Variants in PLEKHM3 observed in about 807,000 individuals in gnomAD.
The protein encoded by PLEKHM3 is pleckstrin homology domain-containing family M member 3.
A neutral mutation model predicts 81.8 loss-of-function variants in PLEKHM3; 45 were observed. The observed-to-expected ratio is 0.55, with a 90% confidence interval of 0.43 to 0.71. PLEKHM3 has a LOEUF of 0.71. PLEKHM3 is among the 30% of genes least tolerant of loss of function. PLEKHM3 has a pLI of 0.00. For synonymous variants in PLEKHM3, 352 were observed against 356.4 expected (o/e 0.99, Z 0.14); for missense variants, 788 against 924.3 (o/e 0.85, Z 1.91).
At chr2:207,877,910 T>A (rs1203712306) in intron 6 of PLEKHM3, among the ~76,000 whole-genome samples, 1 of 152,072 alleles carries the variant, frequency 6.6e-6, no homozygotes, top group Non-Finnish European at 1.5e-5. Flanking sequence ...TGACTGACTG[T>A]TTGATATGTG....
chr2:207,881,609 A>C (rs144181640), intron 6 of PLEKHM3, among the ~76,000 whole-genome samples: 1 of 152,184 alleles, frequency 6.6e-6, no homozygotes, highest in Non-Finnish European at 1.5e-5. Flanking sequence ...TAATCAGCAT[A>C]CTTTTATAAT....
At chr2:207,866,966 T>C (rs2092504919) in intron 6 of PLEKHM3, among the ~76,000 whole-genome samples, 1 of 152,228 alleles carries the variant, frequency 6.6e-6, no homozygotes. Context: ...AAAATGATGA[T>C]ATTTGACAAT....
chr2:207,921,090 C>T (rs984827787), intron 5 of PLEKHM3, among the ~76,000 whole-genome samples: 1 of 152,100 alleles, frequency 6.6e-6, no homozygotes, highest in African/African-American at 2.4e-5. Context: ...CGCTCTGTTG[C>T]CAGGCTGGAG....
intron 3 of PLEKHM3, among the ~76,000 whole-genome samples, chr2:207,947,374 C>T (rs867397067): frequency 2.6e-5 from 4 of 152,244 alleles, no homozygotes; most frequent in Non-Finnish European, 4.4e-5. Context: ...TCTGTGAGCG[C>T]TGTCTTGGTA....
At chr2:207,858,094 T>C (rs1232477608) in intron 7 of PLEKHM3, among the ~76,000 whole-genome samples, 1 of 151,706 alleles carries the variant, frequency 6.6e-6, no homozygotes, top group Non-Finnish European at 1.5e-5. Flanking sequence ...TGCTTAGAAA[T>C]ATATTGTCTA....
At chr2:207,924,593 G>A (rs1689323360) in intron 5 of PLEKHM3, among the ~76,000 whole-genome samples, 1 of 152,158 alleles carries the variant, frequency 6.6e-6, no homozygotes, top group South Asian at 2.1e-4. Flanking sequence ...GCTGAGGCAG[G>A]AGAATTGCTT....
chr2:207,878,636 G>T (rs1235689010), intron 6 of PLEKHM3, among the ~76,000 whole-genome samples: 4 of 152,098 alleles, frequency 2.6e-5, no homozygotes, highest in Non-Finnish European at 5.9e-5. Flanking sequence ...TATTATTTCT[G>T]TTATTCACAA....
At position 207,826,298 on chromosome 2, in the gene PLEKHM3, A is replaced by G. The variant is rs1483291718; in HGVS notation, c.*2021T>C. On this transcript the variant is annotated 3_prime_UTR_variant, in exon 8 of 8. Coordinates refer to ENST00000427836, the MANE Select transcript of PLEKHM3 (RefSeq NM_001080475.3). ...CTGGAAAATATAAATACTGTATTTT[A>G]CCAAGAGGAGGAGGAAAGGAGATGA... The G allele has an allele frequency of 2.0e-5, 3 of 152,218 alleles. No homozygotes were observed. The highest frequency in any genetic ancestry group is 6.5e-5 in the Admixed American group (1 of 15,274). The allele number at this position is 152,218 out of a possible 1,614,324, so 9.4% of individuals were successfully genotyped here. A position where few individuals can be genotyped will look rare whatever the true frequency, so the allele number is the denominator to read the frequency against.
chr2:207,870,129 G>A (rs1321969114), intron 6 of PLEKHM3, among the ~76,000 whole-genome samples: 2 of 152,122 alleles, frequency 1.3e-5, no homozygotes, highest in Non-Finnish European at 2.9e-5. Flanking sequence ...GAGATCTGTG[G>A]GATTGGGAAA....
chr2:207,912,626 T>C (rs1285587927), intron 5 of PLEKHM3, among the ~76,000 whole-genome samples: 1 of 152,182 alleles, frequency 6.6e-6, no homozygotes, highest in Non-Finnish European at 1.5e-5. Context: ...AGTTGTAGTA[T>C]GAAAGCACTG....
intron 5 of PLEKHM3, among the ~76,000 whole-genome samples, chr2:207,916,822 CCTGG>C (rs1199913391): frequency 9.9e-5 from 15 of 152,102 alleles, no homozygotes; most frequent in African/African-American, 3.6e-4. Flanking sequence ...GAGAAAACAT[CCTGG>C]CTTTTTGAAA....
At chr2:207,919,684 G>C (rs536048302) in intron 5 of PLEKHM3, among the ~76,000 whole-genome samples, 1 of 152,178 alleles carries the variant, frequency 6.6e-6, no homozygotes, top group Non-Finnish European at 1.5e-5. Context: ...TGCAATGTGA[G>C]TGGGCGTGGG....
At chr2:207,918,814 T>A (rs970678801) in intron 5 of PLEKHM3, among the ~76,000 whole-genome samples, 1 of 152,152 alleles carries the variant, frequency 6.6e-6, no homozygotes, top group Non-Finnish European at 1.5e-5. Context: ...ATATAACAGA[T>A]AAAAAGTCAT....
At chr2:207,901,789 C>T (rs962232790) in intron 6 of PLEKHM3, among the ~76,000 whole-genome samples, 11 of 152,186 alleles carry the variant, frequency 7.2e-5, no homozygotes, top group African/African-American at 2.2e-4. Flanking sequence ...TCTTTCCTAG[C>T]TCATTAATTG....
intron 6 of PLEKHM3, among the ~76,000 whole-genome samples, chr2:207,887,018 C>T (rs1050728216): frequency 3.3e-5 from 5 of 152,096 alleles, no homozygotes; most frequent in East Asian, 1.9e-4. Flanking sequence ...GAAGATCAAA[C>T]GAGTACAGTA....
At chr2:207,841,102 C>T (rs914425855) in intron 7 of PLEKHM3, among the ~76,000 whole-genome samples, 36 of 151,806 alleles carry the variant, frequency 2.4e-4, no homozygotes, top group Non-Finnish European at 1.8e-4. Context: ...TACAGACGCC[C>T]GGACAACTCT....
chr2:208,020,140 C>T (rs887161695), intron 1 of PLEKHM3, among the ~76,000 whole-genome samples: 4 of 152,176 alleles, frequency 2.6e-5, no homozygotes, highest in Non-Finnish European at 5.9e-5. Flanking sequence ...AACAATTTCC[C>T]AGTTACGTAA....
At chr2:207,848,419 A>C (rs1366917337) in intron 7 of PLEKHM3, among the ~76,000 whole-genome samples, 1 of 152,202 alleles carries the variant, frequency 6.6e-6, no homozygotes, top group Non-Finnish European at 1.5e-5. Context: ...CTCCACATTC[A>C]GCCTCCATGG....
chr2:207,870,952 TA>T (rs1344960922), intron 6 of PLEKHM3, among the ~76,000 whole-genome samples: 4 of 151,822 alleles, frequency 2.6e-5, no homozygotes, highest in Non-Finnish European at 5.9e-5. Flanking sequence ...TGTAAAAAAT[TA>T]AAAAATTAGC....
Sources: allele counts gnomAD v4.1 joint callset (sites outside exome capture counted in the v4.1 genomes callset), GRCh38; gene constraint gnomAD v4.1.1; transcripts MANE v1.5; gene names NCBI Gene and HGNC (gene_info 2026-07-23, HGNC 2026-07-21).